The following GUCD1 variants were observed in gnomAD, a reference collection of about 807,000 sequenced individuals.
The protein encoded by GUCD1 is guanylyl cyclase domain containing 1.
GUCD1 carries 17 observed loss-of-function variants against 28.3 expected under a neutral mutation model. The observed-to-expected ratio is 0.60, with a 90% CI of 0.41 to 0.90. GUCD1 has a LOEUF of 0.90. Among genes scored for constraint, GUCD1 ranks in the 40% least tolerant of loss-of-function variants. The probability of loss-of-function intolerance (pLI) is 0.00; values close to 1 mark genes in which losing one functional copy is unlikely to be tolerated. For missense variants in GUCD1, 279 were observed against 305.5 expected (o/e 0.91, Z 0.65); for synonymous variants, 129 against 123.3 (o/e 1.05, Z -0.30).
rs141654320 is a variant in GUCD1, at chr22:24,545,793, C to T, written c.386+1121G>A. 8.2e-4 allele frequency among the ~76,000 whole-genome samples: 124 copies of T among 151,596 alleles called. 1 individual carries two copies. The highest frequency in any genetic ancestry group is 2.7e-3 in the African/African-American group (112 of 41,354). ...TAATTTTTTGTATTTTTAGTAGAGA[C>T]GGGGTTTCACCATGATCTCGATCTC... is the stretch of plus-strand genomic sequence containing the variant. On this transcript the variant is annotated intron_variant, in intron 4 of 5. Coordinates refer to ENST00000435822, the MANE Select transcript of GUCD1 (RefSeq NM_001284254.2).
At chr22:24,547,587 G>A (rs2044759762) in intron 3 of GUCD1, 2 of 299,914 alleles carry the variant, frequency 6.7e-6, no homozygotes, top group Admixed American at 4.4e-5. Context: ...CAGAGGCCCT[G>A]GGCCTGCCTT....
chr22:24,555,356 G>T, upstream of GUCD1: 1 of 1,242,512 alleles, frequency 8.0e-7, no homozygotes, highest in East Asian at 3.3e-5. Context: ...CGGAAGCCCC[G>T]CCCCTTTCTT....
In GUCD1 at chr22:24,548,086, G is replaced by A. The variant is rs1489443748; in HGVS notation, c.129-13C>T. On this transcript the variant is annotated splice_polypyrimidine_tract_variant and intron_variant, in intron 2 of 5. Coordinates refer to ENST00000435822, the MANE Select transcript of GUCD1 (RefSeq NM_001284254.2). ...CTGGCCCAGGTACCTGCAGGTAGAC[G>A]AGCTGGGGAGCTCAGCTTGGTCTTG... The A allele has an allele frequency of 3.1e-6, 5 of 1,611,130 alleles. No homozygotes were observed. The highest frequency in any genetic ancestry group is 1.3e-5 in the African/African-American group (1 of 74,910).
rs1178371258 is a variant in GUCD1 at position 24,540,533 on chromosome 22, GC to G, written c.*2472del. 6.6e-6 allele frequency: 1 copy of G among 152,354 alleles called. No individual in the cohort carries two copies. Among genetic ancestry groups the G allele is most frequent in the African/African-American group, 2.4e-5 (1 of 41,572 alleles). The allele number at this position is 152,354 out of a possible 1,614,324, so 9.4% of individuals were successfully genotyped here. A position where few individuals can be genotyped will look rare whatever the true frequency, so the allele number is the denominator to read the frequency against. On this transcript the variant is annotated 3_prime_UTR_variant, in exon 6 of 6. Coordinates refer to ENST00000435822, the MANE Select transcript of GUCD1 (RefSeq NM_001284254.2). Reference sequence around the variant, plus strand: ...GCAAAAGATCCCTTTCATCCCCGTGGCTAGAATGAACAAAGCCCAACTGTCC... The same window carrying G: ...GCAAAAGATCCCTTTCATCCCCGTGGTAGAATGAACAAAGCCCAACTGTCC...
In GUCD1 at chr22:24,555,024, G is replaced by A; in HGVS notation, c.-33C>T. 1 of 1,457,442 alleles carries A rather than the reference G, an allele frequency of 6.9e-7. No individual in the cohort carries two copies. The highest frequency in any genetic ancestry group is 9.0e-7 in the Non-Finnish European group (1 of 1,108,090). 90.3% of individuals were successfully genotyped at this position (1,457,442 alleles called of 1,614,324 possible). On this transcript the variant is annotated 5_prime_UTR_variant, in exon 1 of 6. Transcript: ENST00000435822. ...GCGGCGCGGGGCGCCCATGGCCCCGGCCCAGAGCGGGCTACAGCTTCCGCT... is the reference window on the plus strand; with the variant it reads ...GCGGCGCGGGGCGCCCATGGCCCCGACCCAGAGCGGGCTACAGCTTCCGCT...
intron 3 of GUCD1, chr22:24,547,343 T>C (rs1402451445): frequency 3.4e-6 from 1 of 295,246 alleles, no homozygotes; most frequent in Non-Finnish European, 6.5e-6. Flanking sequence ...GCAAGGGGGA[T>C]GAGGCTGAAC....
In GUCD1 at chr22:24,543,102, T is replaced by TG. The variant is rs1341707510; in HGVS notation, c.629-6dup. On this transcript the variant is annotated splice_polypyrimidine_tract_variant and splice_region_variant and intron_variant, in intron 5 of 5. Transcript: ENST00000435822. ...TGATGCTGGTGCTGCACATTCCTGC[T>TG]GGGGGTGGGGAAGGCAGAACGGGGT... 1 of 1,612,516 alleles carries TG rather than the reference T, an allele frequency of 6.2e-7. No individual in the cohort carries two copies. The highest frequency in any genetic ancestry group is 1.1e-5 in the South Asian group (1 of 91,050).
chr22:24,548,035 GCT>G lies in GUCD1; in HGVS notation c.165_166del (p.Arg55SerfsTer51), dbSNP rs745920622. ...CCTGGTCAGCTGCAGCTTCTGCAGG[GCT>G]CTCTCAAACTCACTGTCGTCCAGCT... On this transcript the variant is annotated frameshift_variant, in exon 3 of 6. Coordinates refer to ENST00000435822, the MANE Select transcript of GUCD1 (RefSeq NM_001284254.2). LOFTEE classifies it high-confidence loss of function. The G allele has an allele frequency of 1.8e-5, 29 of 1,614,082 alleles. No homozygotes were observed. The highest frequency in any genetic ancestry group is 2.5e-5 in the Non-Finnish European group (29 of 1,179,994).
upstream of GUCD1, chr22:24,555,664 C>G (rs770429268): frequency 1.9e-6 from 3 of 1,550,654 alleles, no homozygotes; most frequent in South Asian, 2.4e-5. Flanking sequence ...AGTCCTGGCC[C>G]TTGGCCCAAC....
chr22:24,549,512 G>T (rs776354735), intron 1 of GUCD1, among the ~76,000 whole-genome samples: 14 of 152,130 alleles, frequency 9.2e-5, no homozygotes, highest in Non-Finnish European at 2.1e-4. Context: ...AGGAGGGACA[G>T]AGTCTTTTTC....
At chr22:24,546,108 C>T (rs1036642581) in intron 4 of GUCD1, among the ~76,000 whole-genome samples, 14 of 151,938 alleles carry the variant, frequency 9.2e-5, no homozygotes, top group African/African-American at 2.9e-4. Flanking sequence ...ACTACAGGCG[C>T]CTGCCACCAC....
chr22:24,547,956 G>T lies in GUCD1; in HGVS notation c.246C>A (p.His82Gln), dbSNP rs375681119. 1.2e-6 allele frequency: 2 copies of T among 1,614,078 alleles called. No individual in the cohort carries two copies. Among genetic ancestry groups the T allele is most frequent in the Middle Eastern group, 1.6e-4 (1 of 6,084 alleles). Residue 82 changes from histidine to glutamine, a missense_variant, in exon 3 of 6, where the codon CAC becomes CAA. Coordinates refer to ENST00000435822, the MANE Select transcript of GUCD1 (RefSeq NM_001284254.2). ...AYLMHHFGVRHRFCTQTLGVD... is the reference protein window; with the variant it reads ...AYLMHHFGVRQRFCTQTLGVD... ...CACCCAGGGTCTGGGTACAGAAGCG[G>T]TGCCTCACGCCAAAGTGGTGCATCA...
At chr22:24,555,321 G>A (rs1456216473), upstream of GUCD1, 6 of 1,391,746 alleles carry the variant, frequency 4.3e-6, no homozygotes, top group African/African-American at 7.3e-5. Context: ...TCGCGCAGAC[G>A]CGCAGCTCAC....
At chr22:24,543,704 A>G in intron 5 of GUCD1, 138 bp downstream of exon 5, 1 of 1,111,454 alleles carries the variant, frequency 9.0e-7, no homozygotes, top group Non-Finnish European at 1.3e-6. Context: ...AGAGCCCAGG[A>G]GGAGCAGGGG....
chr22:24,548,768 T>C (rs1397777396), intron 2 of GUCD1, 149 bp downstream of exon 2: 1 of 569,730 alleles, frequency 1.8e-6, no homozygotes, highest in East Asian at 2.9e-5. Flanking sequence ...CTTTTGCAGA[T>C]GGGACTAGGA....
chr22:24,543,652 G>C (rs62231930), intron 5 of GUCD1, among the ~76,000 whole-genome samples, 190 bp downstream of exon 5: 1 of 151,950 alleles, frequency 6.6e-6, no homozygotes, highest in Non-Finnish European at 1.5e-5. Context: ...CACAGTTTGC[G>C]GCAGGTTTGC....
At chr22:24,544,226 A>G in intron 4 of GUCD1, 143 bp from the exon 5 acceptor site, 1 of 1,190,012 alleles carries the variant, frequency 8.4e-7, no homozygotes, top group Non-Finnish European at 1.2e-6. Flanking sequence ...CTGCTCTGTC[A>G]CTGTGGCCCA....
chr22:24,543,614 G>A (rs1001066748), intron 5 of GUCD1, among the ~76,000 whole-genome samples: 4 of 152,158 alleles, frequency 2.6e-5, no homozygotes, highest in African/African-American at 9.7e-5. Flanking sequence ...GTGAGAGGGA[G>A]GGGTGGCCAG....
At chr22:24,553,403 G>T (rs1268616893) in intron 1 of GUCD1, among the ~76,000 whole-genome samples, 1 of 152,224 alleles carries the variant, frequency 6.6e-6, no homozygotes, top group East Asian at 1.9e-4. Flanking sequence ...GAGGCAATGA[G>T]AATTCTTCAG....
Sources: allele counts gnomAD v4.1 joint callset (sites outside exome capture counted in the v4.1 genomes callset), GRCh38; gene constraint gnomAD v4.1.1; transcripts MANE v1.5; gene names NCBI Gene and HGNC (gene_info 2026-07-23, HGNC 2026-07-21).